The following STXBP4 variants were observed in gnomAD, a reference collection of about 807,000 sequenced individuals.
The protein encoded by STXBP4 is syntaxin-binding protein 4.
In STXBP4, 55 loss-of-function variants were observed where a neutral mutation model predicts 76.1. That is an observed-to-expected ratio of 0.72 (90% CI 0.58 to 0.91). The LOEUF (loss-of-function observed/expected upper bound fraction) is 0.91, where lower values mean the gene tolerates loss of function less well. Ranked by LOEUF, STXBP4 falls within the 40% of genes least tolerant of loss-of-function variation. STXBP4 has a pLI of 0.00. For synonymous variants in STXBP4, 201 were observed against 220.2 expected, an observed-to-expected ratio of 0.91 and a Z score of 0.77; for missense variants, 618 against 636.9, an observed-to-expected ratio of 0.97 and a Z score of 0.32.
intron 1 of STXBP4, among the ~76,000 whole-genome samples, chr17:54,971,920 G>C (rs1364719731): frequency 6.6e-6 from 1 of 152,078 alleles, no homozygotes; most frequent in Non-Finnish European, 1.5e-5. Context: ...ACCGCACCCA[G>C]CCTTATCTTT....
chr17:55,098,659 G>T (rs189950435), intron 16 of STXBP4, among the ~76,000 whole-genome samples: 2 of 152,252 alleles, frequency 1.3e-5, no homozygotes, highest in Admixed American at 1.3e-4. Flanking sequence ...TGGATTGAGA[G>T]GTCCAGTTCA....
rs772309255 is a variant in STXBP4 at position 54,990,776 on chromosome 17, G to A, written c.48-49G>A. On this transcript the variant is annotated intron_variant, in intron 3 of 17. Transcript: ENST00000376352. ...AATAAGTAGTTTAAAGAAAAAAATAGGTGCAGATCTCTAGACTAACCTGTG... is the reference window on the plus strand; with the variant it reads ...AATAAGTAGTTTAAAGAAAAAAATAAGTGCAGATCTCTAGACTAACCTGTG... 3.9e-6 allele frequency: 6 copies of A among 1,523,730 alleles called. No individual in the cohort carries two copies. The Admixed American group carries it at 7.5e-5, about 19-fold the overall frequency. The allele number at this position is 1,523,730 out of a possible 1,614,324, so 94.4% of individuals were successfully genotyped here. A position where few individuals can be genotyped will look rare whatever the true frequency, so the allele number is the denominator to read the frequency against.
rs749706300 is a variant in STXBP4, at chr17:55,081,141, A to G, written c.1447A>G (p.Lys483Glu). 10 of 1,548,586 alleles carry G rather than the reference A, an allele frequency of 6.5e-6. No individual in the cohort carries two copies. Among genetic ancestry groups the G allele is most frequent in the Non-Finnish European group, 8.7e-6 (10 of 1,152,538 alleles). The change falls in exon 16 of 18, where the codon AAG becomes GAG. Residue 483 changes from lysine (K) to glutamate (E), a missense_variant. Lys to Glu is a moderately conservative substitution (Grantham distance 56). Transcript: ENST00000376352. ...CCCAGCAACGCTGGCGCTTGAATCT[A>G]AGGAACTTGTTAAATCTGTTCGTGC... Reference protein sequence around the residue: ...SIPATLALESKELVKSVRALL... With the variant: ...SIPATLALESEELVKSVRALL...
rs190752058 is a variant in STXBP4, at chr17:55,104,033, C to T, written c.1489+22850C>T. Among the ~76,000 whole-genome samples the T allele has an allele frequency of 8.6e-4, 131 of 152,246 alleles. 1 individual carries two copies. The highest frequency in any genetic ancestry group is 3.1e-3 in the African/African-American group (129 of 41,536). On this transcript the variant is annotated intron_variant, in intron 16 of 17. Transcript: ENST00000376352. ...GCTTGAGGAGATTTTTTGGCTGAGACAGTGGGGTTTTCTAAATATACAATC... is the reference window on the plus strand; with the variant it reads ...GCTTGAGGAGATTTTTTGGCTGAGATAGTGGGGTTTTCTAAATATACAATC...
chr17:55,098,336 T>C (rs950381286), intron 16 of STXBP4, among the ~76,000 whole-genome samples: 4 of 152,120 alleles, frequency 2.6e-5, no homozygotes, highest in Non-Finnish European at 5.9e-5. Context: ...AATAAAGAAG[T>C]TTATGTCTAA....
intron 12 of STXBP4, among the ~76,000 whole-genome samples, chr17:55,048,093 T>C (rs1242591526): frequency 1.3e-5 from 2 of 151,756 alleles, no homozygotes; most frequent in African/African-American, 4.8e-5. Context: ...TAGCACTAGC[T>C]ACAAAAAAAG....
At chr17:55,209,075 C>G in the STXBP4 span, among the ~76,000 whole-genome samples, 1 of 151,976 alleles carries the variant, frequency 6.6e-6, no homozygotes, top group Non-Finnish European at 1.5e-5. Context: ...GAGCAAGACT[C>G]CATCTCAAAA....
intron 16 of STXBP4, among the ~76,000 whole-genome samples, chr17:55,115,222 G>T (rs1271815674): frequency 6.6e-6 from 1 of 151,810 alleles, no homozygotes; most frequent in Non-Finnish European, 1.5e-5. Flanking sequence ...TAAGTATCTT[G>T]CAGTAAATCA....
At chr17:55,192,882 T>A in the STXBP4 span, among the ~76,000 whole-genome samples, 5 of 152,132 alleles carry the variant, frequency 3.3e-5, no homozygotes, top group Admixed American at 3.3e-4. Flanking sequence ...GAGGAGCCTC[T>A]CTGATGAGGA....
intron 12 of STXBP4, among the ~76,000 whole-genome samples, chr17:55,065,714 A>G (rs781109472): frequency 6.6e-6 from 1 of 152,076 alleles, no homozygotes; most frequent in Non-Finnish European, 1.5e-5. Context: ...TAATATTTAT[A>G]TTGTGAACAA....
chr17:55,017,358 C>T (rs961815353), intron 8 of STXBP4, among the ~76,000 whole-genome samples: 1 of 152,120 alleles, frequency 6.6e-6, no homozygotes, highest in African/African-American at 2.4e-5. Flanking sequence ...ATGTCGAGAG[C>T]TGTATGCCTA....
intron 1 of STXBP4, among the ~76,000 whole-genome samples, chr17:54,976,453 T>A (rs1333178187): frequency 6.6e-6 from 1 of 152,210 alleles, no homozygotes; most frequent in Non-Finnish European, 1.5e-5. Flanking sequence ...AAACCAACCA[T>A]CAGGCCTCCC....
In STXBP4 at chr17:55,060,066, A is replaced by G. The variant is rs191342820; in HGVS notation, c.1012-12834A>G. Among the ~76,000 whole-genome samples the G allele has an allele frequency of 1.8e-4, 28 of 152,222 alleles. No homozygotes were observed. The East Asian group carries it at 5.2e-3, about 28-fold the overall frequency. ...AGTTTAAACAAAAATAATTAAAAAT[A>G]CATGTATACATCTGTGTATACAAAC... On this transcript the variant is annotated intron_variant, in intron 12 of 17. Transcript: ENST00000376352.
chr17:55,052,834 T>G (rs911304494), intron 12 of STXBP4, among the ~76,000 whole-genome samples: 2 of 143,776 alleles, frequency 1.4e-5, no homozygotes, highest in Admixed American at 1.5e-4. Context: ...GTAACCTGAA[T>G]CTAACCATGA....
Position 55,043,300 on chromosome 17 carries a change from C to T in STXBP4, c.920C>T (p.Ala307Val), listed in dbSNP as rs1235777945. ...MERLKCERDD[A>V]LKEVNTLKEK... is the part of the protein sequence containing the mutation. ...AGGCTCAAGTGTGAAAGAGATGATG[C>T]CTTGAAAGAAGTAAATACACTTAAG... The change falls in exon 11 of 18, where the codon GCC becomes GTC. Residue 307 changes from alanine to valine, a missense_variant. Transcript: ENST00000376352. The T allele has an allele frequency of 2.0e-6, 3 of 1,527,278 alleles. No individual in the cohort carries two copies. Among genetic ancestry groups the T allele is most frequent in the Non-Finnish European group, 2.6e-6 (3 of 1,138,032 alleles). 94.6% of individuals were successfully genotyped at this position (1,527,278 alleles called of 1,614,324 possible). A position where few individuals can be genotyped will look rare whatever the true frequency, so the allele number is the denominator to read the frequency against.
the STXBP4 span, among the ~76,000 whole-genome samples, chr17:55,204,461 CT>C: frequency 9.9e-5 from 15 of 151,764 alleles, no homozygotes; most frequent in African/African-American, 3.6e-4. Context: ...CCTTTTTTGC[CT>C]GCCAGGTTTT....
chr17:55,186,021 C>T, the STXBP4 span, among the ~76,000 whole-genome samples: 1 of 152,160 alleles, frequency 6.6e-6, no homozygotes, highest in Non-Finnish European at 1.5e-5. Context: ...TGGTGCATAA[C>T]AGGGTGTTAG....
intron 16 of STXBP4, among the ~76,000 whole-genome samples, chr17:55,097,390 G>A (rs181883443): frequency 6.6e-5 from 10 of 152,196 alleles, no homozygotes; most frequent in East Asian, 3.9e-4. Context: ...TTGACCGGGC[G>A]CGGTGGCTCA....
intron 1 of STXBP4, among the ~76,000 whole-genome samples, chr17:54,977,283 G>T (rs889073058): frequency 1.3e-5 from 2 of 152,246 alleles, no homozygotes; most frequent in East Asian, 1.9e-4. Flanking sequence ...ATCAGTATCC[G>T]CAGGTTCCAC....
Sources: allele counts gnomAD v4.1 joint callset (sites outside exome capture counted in the v4.1 genomes callset), GRCh38; gene constraint gnomAD v4.1.1; transcripts MANE v1.5; gene names NCBI Gene and HGNC (gene_info 2026-07-23, HGNC 2026-07-21).